CD84: variants seen among roughly 807,000 people sequenced by gnomAD.
CD84 encodes the protein CD84 molecule.
Under a neutral mutation model 33.8 loss-of-function variants are expected in CD84, and 22 were observed. The observed-to-expected ratio is 0.65, with a 90% CI of 0.46 to 0.93. The LOEUF (loss-of-function observed/expected upper bound fraction) is 0.93, where lower values mean the gene tolerates loss of function less well. Ranked by LOEUF, CD84 falls within the 40% of genes least tolerant of loss-of-function variation. The pLI is 0.00. For synonymous variants in CD84, 154 were observed against 145.2 expected, an observed-to-expected ratio of 1.06 and a Z score of -0.44; for missense variants, 400 against 397.6, an observed-to-expected ratio of 1.01 and a Z score of -0.05.
chr1:160,555,901 C>A (rs1656577101), intron 2 of CD84, among the ~76,000 whole-genome samples: 1 of 152,134 alleles, frequency 6.6e-6, no homozygotes, highest in African/African-American at 2.4e-5. Flanking sequence ...AAATTCTGGT[C>A]CTAACAATCT....
intron 1 of CD84, among the ~76,000 whole-genome samples, chr1:160,566,446 G>A (rs182418725): frequency 2.6e-5 from 4 of 152,206 alleles, no homozygotes; most frequent in Admixed American, 1.3e-4. Flanking sequence ...AGCAAGTTTC[G>A]TTTATTCATT....
chr1:160,553,811 A>G, intron 3 of CD84, 84 bp downstream of exon 3: 1 of 1,593,460 alleles, frequency 6.3e-7, no homozygotes, highest in Non-Finnish European at 8.6e-7. Context: ...ACATCTCCCT[A>G]GAGAATGTGG....
At chr1:160,572,988 A>G (rs77379107) in intron 1 of CD84, among the ~76,000 whole-genome samples, 5,722 of 152,182 alleles carry the variant, frequency 0.038, 180 homozygotes, top group African/African-American at 0.075. Context: ...ACCCTTCCCA[A>G]TGCAATACAC....
intron 1 of CD84, chr1:160,571,027 A>G (rs1001247896): frequency 1.3e-5 from 2 of 152,234 alleles, no homozygotes; most frequent in Non-Finnish European, 2.9e-5. Context: ...GCAGGAAGAT[A>G]GAAGTTGGAA....
rs1655554776 is a variant in CD84, at chr1:160,541,783, G to GA, written c.*6472dup. On this transcript the variant is annotated 3_prime_UTR_variant, in exon 7 of 7. Transcript: ENST00000368054. Reference sequence around the variant, plus strand: ...ATTGCTAAGGAGTGTGGTTCCCCAGGAAAAACATTTTAGTGTGGAAGTGAA... The same window carrying GA: ...ATTGCTAAGGAGTGTGGTTCCCCAGGAAAAAACATTTTAGTGTGGAAGTGAA... 6.6e-6 allele frequency: 1 copy of GA among 152,140 alleles called. No homozygotes were observed. The highest frequency in any genetic ancestry group is 2.1e-4 in the South Asian group (1 of 4,830). 9.4% of individuals were successfully genotyped at this position (152,140 alleles called of 1,614,324 possible). A position where few individuals can be genotyped will look rare whatever the true frequency, so the allele number is the denominator to read the frequency against.
chr1:160,572,270 G>A (rs868071477), intron 1 of CD84, among the ~76,000 whole-genome samples: 4 of 152,170 alleles, frequency 2.6e-5, no homozygotes, highest in African/African-American at 9.7e-5. Context: ...GGATAAAATG[G>A]AAGATAGTCA....
At chr1:160,566,048 A>G (rs997712610) in intron 1 of CD84, among the ~76,000 whole-genome samples, 2 of 152,242 alleles carry the variant, frequency 1.3e-5, no homozygotes, top group Non-Finnish European at 2.9e-5. Flanking sequence ...GGTGAAGGCC[A>G]TAAGCCTCCA....
chr1:160,541,805 T>G lies in CD84; in HGVS notation c.*6451A>C, dbSNP rs945077008. On this transcript the variant is annotated 3_prime_UTR_variant, in exon 7 of 7. Coordinates refer to ENST00000368054, the MANE Select transcript of CD84 (RefSeq NM_003874.4). ...CAGGAAAAACATTTTAGTGTGGAAG[T>G]GAAGTGATAAGATCCTCATTTTAGA... is the stretch of plus-strand genomic sequence containing the variant. The G allele has an allele frequency of 3.3e-5, 5 of 152,148 alleles. No individual in the cohort carries two copies. Among genetic ancestry groups the G allele is most frequent in the African/African-American group, 1.2e-4 (5 of 41,424 alleles). The allele number at this position is 152,148 out of a possible 1,614,324, so 9.4% of individuals were successfully genotyped here.
chr1:160,553,917 G>T lies in CD84; in HGVS notation c.618C>A (p.Ile206=). ...QNPVSNNSDS[I]SARQLCADIA... ...TACCTGCACAGAGCTGCCGGGCAGAGATGGAGTCAGAATTGTTGCTGACAG... is the reference window on the plus strand; with the variant it reads ...TACCTGCACAGAGCTGCCGGGCAGATATGGAGTCAGAATTGTTGCTGACAG... Residue 206 remains isoleucine, a synonymous_variant, in exon 3 of 7, where the codon ATC becomes ATA. Coordinates refer to ENST00000368054, the MANE Select transcript of CD84 (RefSeq NM_003874.4). 1 of 1,614,226 alleles carries T rather than the reference G, an allele frequency of 6.2e-7. No homozygotes were observed. Among genetic ancestry groups the T allele is most frequent in the Non-Finnish European group, 8.5e-7 (1 of 1,180,042 alleles).
chr1:160,555,319 G>A (rs932753022), intron 2 of CD84, among the ~76,000 whole-genome samples: 7 of 151,990 alleles, frequency 4.6e-5, no homozygotes, highest in Admixed American at 2.6e-4. Context: ...TCCTGACCTC[G>A]TGATCCACCC....
intron 2 of CD84, 124 bp from the exon 3 acceptor site, chr1:160,554,270 A>T (rs1235892119): frequency 1.2e-5 from 12 of 969,206 alleles, no homozygotes; most frequent in Non-Finnish European, 1.7e-5. Flanking sequence ...TAAAAACATA[A>T]TTAAATAAAT....
intron 4 of CD84, chr1:160,551,453 G>T: frequency 5.1e-6 from 1 of 196,188 alleles, no homozygotes; most frequent in East Asian, 1.7e-4. Context: ...ACATTCTTTT[G>T]GTGCAGACCT....
At chr1:160,565,381 C>T (rs976714212) in intron 2 of CD84, 23 bp downstream of exon 2, 13 of 1,531,586 alleles carry the variant, frequency 8.5e-6, no homozygotes, top group Non-Finnish European at 1.1e-5. Context: ...AAAACACAAG[C>T]TCTCCGTCTT....
intron 2 of CD84, among the ~76,000 whole-genome samples, chr1:160,559,756 C>G (rs1656831463): frequency 6.6e-6 from 1 of 152,026 alleles, no homozygotes; most frequent in Non-Finnish European, 1.5e-5. Context: ...CAAAGACACA[C>G]ATAGGCTCAA....
intron 1 of CD84, among the ~76,000 whole-genome samples, chr1:160,574,261 T>C (rs1006645027): frequency 4.0e-5 from 6 of 151,750 alleles, no homozygotes; most frequent in Non-Finnish European, 5.9e-5. Flanking sequence ...ATGTGAAAGG[T>C]CAAGTATTTA....
rs1571335806 is a variant in CD84 at position 160,543,298 on chromosome 1, A to G, written c.*4958T>C. The G allele has an allele frequency of 6.6e-6, 1 of 152,210 alleles. No homozygotes were observed. Among genetic ancestry groups the G allele is most frequent in the African/African-American group, 2.4e-5 (1 of 41,450 alleles). 9.4% of individuals were successfully genotyped at this position (152,210 alleles called of 1,614,324 possible). On this transcript the variant is annotated 3_prime_UTR_variant, in exon 7 of 7. Coordinates refer to ENST00000368054, the MANE Select transcript of CD84 (RefSeq NM_003874.4). ...CAAAGTGCCAGGTGTGTGTACACCTAAGGCCAAGTACCAGGTAGGGAGAAT... is the reference window on the plus strand; with the variant it reads ...CAAAGTGCCAGGTGTGTGTACACCTGAGGCCAAGTACCAGGTAGGGAGAAT...
intron 1 of CD84, among the ~76,000 whole-genome samples, chr1:160,577,769 C>T (rs1273491702): frequency 6.6e-6 from 1 of 152,182 alleles, no homozygotes; most frequent in Non-Finnish European, 1.5e-5. Flanking sequence ...GCATTATCAT[C>T]ATTTTGATTC....
In CD84 at chr1:160,544,698, G is replaced by C. The variant is rs1322639598; in HGVS notation, c.*3558C>G. ...CAACCAGGCTATTCCCTCATAGCCT[G>C]TGTAGTTTACAGTGTTCTACAGATT... On this transcript the variant is annotated 3_prime_UTR_variant, in exon 7 of 7. Transcript: ENST00000368054. The C allele has an allele frequency of 6.6e-6, 1 of 152,080 alleles. No individual in the cohort carries two copies. Among genetic ancestry groups the C allele is most frequent in the Non-Finnish European group, 1.5e-5 (1 of 68,008 alleles). The allele number at this position is 152,080 out of a possible 1,614,324, so 9.4% of individuals were successfully genotyped here.
At chr1:160,564,508 C>A (rs1454354854) in intron 2 of CD84, among the ~76,000 whole-genome samples, 1 of 152,132 alleles carries the variant, frequency 6.6e-6, no homozygotes, top group African/African-American at 2.4e-5. Context: ...CTGGAAAGAA[C>A]TAAAATGTTC....
Sources: allele counts gnomAD v4.1 joint callset (sites outside exome capture counted in the v4.1 genomes callset), GRCh38; gene constraint gnomAD v4.1.1; transcripts MANE v1.5; gene names NCBI Gene and HGNC (gene_info 2026-07-23, HGNC 2026-07-21).